The following DOCK1 variants were observed in gnomAD, a reference collection of about 807,000 sequenced individuals.
DOCK1 encodes dedicator of cytokinesis 1.
A neutral mutation model predicts 262.7 loss-of-function variants in DOCK1; 138 were observed. That is an observed-to-expected ratio of 0.53 (90% CI 0.46 to 0.61). DOCK1 has a LOEUF of 0.61. Among genes scored for constraint, DOCK1 ranks in the 20% least tolerant of loss-of-function variants. The pLI is 0.00. For missense variants in DOCK1, 1,908 were observed against 2,370.7 expected (o/e 0.80, Z 4.05); for synonymous variants, 866 against 867.4 (o/e 1.00, Z 0.03).
At chr10:127,017,968 G>C (rs961368615) in intron 12 of DOCK1, among the ~76,000 whole-genome samples, 2 of 152,146 alleles carry the variant, frequency 1.3e-5, no homozygotes, top group Admixed American at 6.5e-5. Context: ...GGAAGATCCC[G>C]CGCACATCCC....
intron 27 of DOCK1, chr10:127,135,407 A>G (rs1486668268): frequency 6.6e-6 from 1 of 152,600 alleles, no homozygotes; most frequent in African/African-American, 2.4e-5. Flanking sequence ...AGGCCATGAA[A>G]TAAGTTTAAT....
intron 35 of DOCK1, among the ~76,000 whole-genome samples, chr10:127,375,191 G>T (rs531800895): frequency 6.6e-6 from 1 of 152,256 alleles, no homozygotes; most frequent in East Asian, 1.9e-4. Flanking sequence ...CTCAGATCCC[G>T]GCCAGCCTCA....
intron 29 of DOCK1, among the ~76,000 whole-genome samples, chr10:127,297,960 T>G (rs1252294674): frequency 6.6e-6 from 1 of 152,106 alleles, no homozygotes; most frequent in Non-Finnish European, 1.5e-5. Context: ...TTTGTTTATA[T>G]TATCTTGAGG....
At chr10:127,119,378 G>A (rs76111911) in intron 25 of DOCK1, among the ~76,000 whole-genome samples, 1 of 152,160 alleles carries the variant, frequency 6.6e-6, no homozygotes, top group African/African-American at 2.4e-5. Flanking sequence ...GACTCCGATG[G>A]TGCGTAGAGG....
chr10:127,126,819 C>T (rs1226918029), intron 26 of DOCK1, among the ~76,000 whole-genome samples: 12 of 152,160 alleles, frequency 7.9e-5, no homozygotes, highest in Admixed American at 7.9e-4. Flanking sequence ...AAAATCCCTC[C>T]TAGTCACCAC....
At chr10:127,271,733 G>A (rs537794550) in intron 29 of DOCK1, among the ~76,000 whole-genome samples, 2 of 152,090 alleles carry the variant, frequency 1.3e-5, no homozygotes, top group Admixed American at 1.3e-4. Context: ...TGTAACTGCT[G>A]GGCTGAAAGA....
At chr10:127,397,897 A>G (rs1191535015) in intron 38 of DOCK1, among the ~76,000 whole-genome samples, 2 of 152,056 alleles carry the variant, frequency 1.3e-5, no homozygotes, top group African/African-American at 4.8e-5. Context: ...TGACTCCTCT[A>G]TGACATGGGT....
chr10:127,076,035 T>A lies in DOCK1; in HGVS notation c.2445+14259T>A, dbSNP rs547257817. Among the ~76,000 whole-genome samples the A allele has an allele frequency of 2.0e-5, 3 of 152,326 alleles. No individual in the cohort carries two copies. In the East Asian group the frequency reaches 5.8e-4, roughly 29 times the overall value. On this transcript the variant is annotated intron_variant, in intron 23 of 51. Transcript: ENST00000623213. ...TGGCCAGCACTGTTCTGTGCTGTGTTTCTCCACCCAGTGTGTGGACATCTT... is the reference window on the plus strand; with the variant it reads ...TGGCCAGCACTGTTCTGTGCTGTGTATCTCCACCCAGTGTGTGGACATCTT...
chr10:127,162,564 C>G (rs917003582), intron 27 of DOCK1, among the ~76,000 whole-genome samples: 2 of 152,170 alleles, frequency 1.3e-5, no homozygotes, highest in African/African-American at 4.8e-5. Context: ...GGGCAAAGTT[C>G]TCAGAATCAC....
At chr10:127,054,442 C>T (rs964952630) in intron 22 of DOCK1, among the ~76,000 whole-genome samples, 7 of 152,164 alleles carry the variant, frequency 4.6e-5, no homozygotes, top group African/African-American at 1.7e-4. Context: ...ATATTACACT[C>T]TTTTATTTTG....
intron 38 of DOCK1, among the ~76,000 whole-genome samples, chr10:127,392,955 A>G (rs2066578604): frequency 6.6e-6 from 1 of 152,192 alleles, no homozygotes; most frequent in African/African-American, 2.4e-5. Context: ...TGTTAAAAAT[A>G]ACAATCTTCC....
At chr10:127,244,591 A>C (rs936907193) in intron 27 of DOCK1, among the ~76,000 whole-genome samples, 2 of 152,214 alleles carry the variant, frequency 1.3e-5, no homozygotes, top group Non-Finnish European at 2.9e-5. Context: ...TGGCAGGCAA[A>C]TAATGATGTA....
chr10:127,096,778 C>G (rs952345228), intron 23 of DOCK1, among the ~76,000 whole-genome samples: 1 of 151,674 alleles, frequency 6.6e-6, no homozygotes, highest in Non-Finnish European at 1.5e-5. Flanking sequence ...CTCATGAGAT[C>G]TGGGACAATT....
intron 38 of DOCK1, among the ~76,000 whole-genome samples, chr10:127,399,042 G>A (rs1204731576): frequency 6.6e-6 from 1 of 152,220 alleles, no homozygotes; most frequent in Non-Finnish European, 1.5e-5. Flanking sequence ...AGGTTCAGAA[G>A]AATAGAGAGA....
chr10:127,038,836 C>CA (rs1288060726), intron 19 of DOCK1, among the ~76,000 whole-genome samples: 1 of 152,172 alleles, frequency 6.6e-6, no homozygotes, highest in Non-Finnish European at 1.5e-5. Context: ...TCTCTGCTCT[C>CA]AGATACCCCA....
At chr10:127,271,669 C>G (rs534973913) in intron 29 of DOCK1, among the ~76,000 whole-genome samples, 1 of 152,166 alleles carries the variant, frequency 6.6e-6, no homozygotes, top group African/African-American at 2.4e-5. Context: ...AGTGGCTGCA[C>G]TGTACACTGT....
intron 29 of DOCK1, among the ~76,000 whole-genome samples, chr10:127,313,247 A>C (rs979080630): frequency 6.6e-6 from 1 of 152,108 alleles, no homozygotes; most frequent in Non-Finnish European, 1.5e-5. Context: ...AGTGCCACCC[A>C]TATGCGATGC....
intron 29 of DOCK1, among the ~76,000 whole-genome samples, chr10:127,331,142 A>G (rs2062961737): frequency 6.6e-6 from 1 of 152,168 alleles, no homozygotes; most frequent in African/African-American, 2.4e-5. Flanking sequence ...CTTGTTTTCT[A>G]GAGCCAGTTT....
chr10:127,311,123 A>C (rs1590384319), intron 29 of DOCK1, among the ~76,000 whole-genome samples: 1 of 152,164 alleles, frequency 6.6e-6, no homozygotes, highest in Non-Finnish European at 1.5e-5. Context: ...GGGCTCTTTT[A>C]AAATGTAGAT....
Sources: allele counts gnomAD v4.1 joint callset (sites outside exome capture counted in the v4.1 genomes callset), GRCh38; gene constraint gnomAD v4.1.1; transcripts MANE v1.5; gene names NCBI Gene and HGNC (gene_info 2026-07-23, HGNC 2026-07-21).